The following CTNNA3 variants were observed in gnomAD, a reference collection of about 807,000 sequenced individuals.
CTNNA3 encodes catenin alpha 3.
CTNNA3 carries 76 observed loss-of-function variants against 95.7 expected under a neutral mutation model. The ratio of observed to expected loss-of-function variants is 0.79; its 90% CI spans 0.66 to 0.96. CTNNA3 has a LOEUF of 0.96. Among genes scored for constraint, CTNNA3 ranks in the 40% least tolerant of loss-of-function variants. CTNNA3 has a pLI of 0.00. For synonymous variants in CTNNA3, 431 were observed against 374.4 expected (o/e 1.15, Z -1.74); for missense variants, 1,191 against 1,089.8 (o/e 1.09, Z -1.31).
chr10:66,112,837 A>G (rs1456050788), intron 13 of CTNNA3, among the ~76,000 whole-genome samples: 1 of 152,014 alleles, frequency 6.6e-6, no homozygotes, highest in Non-Finnish European at 1.5e-5. Context: ...ATTCCATCTT[A>G]CAAGTTTATC....
intron 3 of CTNNA3, among the ~76,000 whole-genome samples, chr10:67,580,282 A>T (rs932728432): frequency 4.1e-4 from 63 of 152,306 alleles, no homozygotes; most frequent in Non-Finnish European, 7.9e-4. Context: ...ATGGCTAGCA[A>T]GTTTTCCCAG....
intron 13 of CTNNA3, among the ~76,000 whole-genome samples, chr10:66,157,692 A>G (rs892062580): frequency 6.6e-6 from 1 of 151,970 alleles, no homozygotes; most frequent in African/African-American, 2.4e-5. Context: ...CCCAGTAGTG[A>G]GATTACTAGA....
chr10:67,476,817 G>A (rs1848032775), intron 5 of CTNNA3, among the ~76,000 whole-genome samples: 2 of 151,032 alleles, frequency 1.3e-5, no homozygotes, highest in South Asian at 4.2e-4. Flanking sequence ...TGCTCACACA[G>A]AGTTACAGCC....
At chr10:67,426,494 A>C (rs756756758) in intron 5 of CTNNA3, among the ~76,000 whole-genome samples, 1 of 152,126 alleles carries the variant, frequency 6.6e-6, no homozygotes, top group Non-Finnish European at 1.5e-5. Context: ...GGATGAGTTC[A>C]TGTCCTTTGC....
At chr10:66,216,059 GC>G (rs1210684300) in intron 13 of CTNNA3, among the ~76,000 whole-genome samples, 1 of 152,202 alleles carries the variant, frequency 6.6e-6, no homozygotes, top group African/African-American at 2.4e-5. Flanking sequence ...ATGCTAATCT[GC>G]CGTGTTGACT....
intron 14 of CTNNA3, among the ~76,000 whole-genome samples, chr10:66,073,327 T>C (rs912687731): frequency 6.0e-4 from 91 of 152,290 alleles, no homozygotes; most frequent in Non-Finnish European, 9.7e-4. Flanking sequence ...AATTAGCCAA[T>C]ATAGTTCTTC....
At chr10:66,530,754 C>T (rs1354398907) in intron 10 of CTNNA3, among the ~76,000 whole-genome samples, 6 of 152,006 alleles carry the variant, frequency 3.9e-5, no homozygotes. Context: ...AGGGATGATC[C>T]CTGCATGATG....
At chr10:67,047,497 C>A (rs1854827415) in intron 7 of CTNNA3, among the ~76,000 whole-genome samples, 1 of 152,060 alleles carries the variant, frequency 6.6e-6, no homozygotes, top group Non-Finnish European at 1.5e-5. Flanking sequence ...TTTAAACCAG[C>A]CTGTCACAAG....
intron 12 of CTNNA3, among the ~76,000 whole-genome samples, chr10:66,316,909 G>A (rs2092109540): frequency 6.6e-6 from 1 of 151,872 alleles, no homozygotes; most frequent in South Asian, 2.1e-4. Context: ...ACTGATTACG[G>A]CAGAATAAAA....
At chr10:66,418,556 G>GACACACACACACACACAC (rs57694585) in intron 11 of CTNNA3, among the ~76,000 whole-genome samples, 221 of 144,570 alleles carry the variant, frequency 1.5e-3, no homozygotes, top group East Asian at 5.1e-3. Context: ...AGCACACAGG[G>GACACACACACACACACAC]ACACACACAC....
intron 13 of CTNNA3, among the ~76,000 whole-genome samples, chr10:66,120,264 A>G (rs1013336913): frequency 6.6e-6 from 1 of 152,146 alleles, no homozygotes; most frequent in Admixed American, 6.5e-5. Context: ...TACCTATCTT[A>G]TAGGGTTGTT....
intron 7 of CTNNA3, among the ~76,000 whole-genome samples, chr10:66,881,365 A>G (rs143552531): frequency 2.0e-5 from 3 of 152,268 alleles, no homozygotes; most frequent in African/African-American, 7.2e-5. Flanking sequence ...TTATTTAGGC[A>G]AAAGCTAGCA....
intron 1 of CTNNA3, among the ~76,000 whole-genome samples, chr10:67,733,550 C>A (rs548429129): frequency 3.3e-5 from 5 of 152,082 alleles, no homozygotes; most frequent in Admixed American, 2.6e-4. Flanking sequence ...TTGCTTAAAG[C>A]AAATCACTTC....
intron 7 of CTNNA3, among the ~76,000 whole-genome samples, chr10:67,132,873 A>T (rs914331908): frequency 1.3e-5 from 2 of 152,008 alleles, no homozygotes; most frequent in Non-Finnish European, 2.9e-5. Flanking sequence ...ACTTGATCTC[A>T]GGGACATAGA....
At chr10:66,481,452 C>G (rs997912000) in intron 11 of CTNNA3, among the ~76,000 whole-genome samples, 1 of 146,126 alleles carries the variant, frequency 6.8e-6, no homozygotes, top group Non-Finnish European at 1.5e-5. Flanking sequence ...AAACCTTATT[C>G]CCTTGTTTCT....
rs561726724 is a variant in CTNNA3, at chr10:67,335,917, G to A, written c.580-116047C>T. 2.7e-5 allele frequency among the ~76,000 whole-genome samples: 4 copies of A among 150,118 alleles called. 1 individual carries two copies. In the East Asian group the frequency reaches 7.8e-4, roughly 29 times the overall value. ...TTTTTTTTTTACAAATTGAAGGTTT[G>A]TGGCAAATCGGTGTCAACTGCTATT... On this transcript the variant is annotated intron_variant, in intron 5 of 17. Coordinates refer to ENST00000433211, the MANE Select transcript of CTNNA3 (RefSeq NM_013266.4).
chr10:67,731,007 G>T (rs543679909), intron 1 of CTNNA3, among the ~76,000 whole-genome samples: 1 of 151,968 alleles, frequency 6.6e-6, no homozygotes, highest in Admixed American at 6.6e-5. Flanking sequence ...TATGGGAAAG[G>T]AACAATGTAT....
chr10:66,054,770 C>T (rs777524784), intron 15 of CTNNA3, among the ~76,000 whole-genome samples: 1 of 152,150 alleles, frequency 6.6e-6, no homozygotes, highest in African/African-American at 2.4e-5. Context: ...GTTGCCTGTG[C>T]TTTTGAGGTC....
In CTNNA3 at chr10:66,927,622, T is replaced by G. The variant is rs2132624455; in HGVS notation, c.1048-152098A>C. ...GTTGGTCAGCCTTCAGAACCTTTAC[T>G]TGCAGTGGAATAAAATCAGTGTCAT... On this transcript the variant is annotated intron_variant, in intron 7 of 17. Transcript: ENST00000433211. The surrounding 1 kb of genome is among the most constrained non-coding windows in gnomAD (Gnocchi z 4.7). The G allele has an allele frequency of 6.2e-7, 1 of 1,614,210 alleles. No individual in the cohort carries two copies. The highest frequency in any genetic ancestry group is 2.2e-5 in the East Asian group (1 of 44,884).
Sources: allele counts gnomAD v4.1 joint callset (sites outside exome capture counted in the v4.1 genomes callset), GRCh38; gene constraint gnomAD v4.1.1; non-coding constraint Gnocchi (gnomAD v3.1); transcripts MANE v1.5; gene names NCBI Gene and HGNC (gene_info 2026-07-23, HGNC 2026-07-21).